Variants in RBM19 observed in about 807,000 individuals in gnomAD.
RBM19 encodes probable RNA-binding protein 19.
RBM19 carries 94 observed loss-of-function variants against 116.8 expected under a neutral mutation model. That is an observed-to-expected ratio of 0.80 (90% CI 0.68 to 0.95). The LOEUF (loss-of-function observed/expected upper bound fraction) is 0.95. RBM19 is among the 40% of genes least tolerant of loss of function. The pLI is 0.00. For missense variants in RBM19, 1,161 were observed against 1,220.7 expected (o/e 0.95, Z 0.73); for synonymous variants, 475 against 494.1 (o/e 0.96, Z 0.51).
intron 23 of RBM19, among the ~76,000 whole-genome samples, chr12:113,826,470 C>G (rs995250800): frequency 6.6e-6 from 1 of 152,200 alleles, no homozygotes; most frequent in Non-Finnish European, 1.5e-5. Context: ...GAAGGACAAA[C>G]AGCAGCTGAG....
In RBM19 at chr12:113,849,958, GGA is replaced by G. The variant is rs1877324472; in HGVS notation, c.2665-5172_2665-5171del. Among the ~76,000 whole-genome samples the G allele has an allele frequency of 2.0e-5, 3 of 152,158 alleles. No individual in the cohort carries two copies. The South Asian group carries it at 6.2e-4, about 32-fold the overall frequency. ...ACTGGAGGAAAGAGGGGAAGAGGGA[GGA>G]GAGAGGTTGGTGCTGCGTACCTCCC... On this transcript the variant is annotated intron_variant, in intron 22 of 23. Transcript: ENST00000261741.
At chr12:113,865,157 C>T (rs527741027) in intron 21 of RBM19, among the ~76,000 whole-genome samples, 9 of 152,286 alleles carry the variant, frequency 5.9e-5, no homozygotes, top group Admixed American at 4.6e-4. Context: ...TGCCCTGCAC[C>T]CCCTCATTTA....
chr12:113,859,390 A>T (rs2135742501), intron 21 of RBM19, among the ~76,000 whole-genome samples: 1 of 152,294 alleles, frequency 6.6e-6, no homozygotes, highest in South Asian at 2.1e-4. Context: ...AGCAAATGGG[A>T]TGGGGCCCTT....
At chr12:113,866,270 G>T (rs1191134647) in intron 21 of RBM19, among the ~76,000 whole-genome samples, 1 of 151,986 alleles carries the variant, frequency 6.6e-6, no homozygotes, top group East Asian at 1.9e-4. Flanking sequence ...TTTCATTTTT[G>T]CCTCCTGGAG....
downstream of RBM19, among the ~76,000 whole-genome samples, chr12:113,821,003 C>T (rs887399007): frequency 6.6e-6 from 1 of 152,204 alleles, no homozygotes; most frequent in Non-Finnish European, 1.5e-5. Flanking sequence ...TGGCAGGGGC[C>T]TGCAGCTGCC....
intron 8 of RBM19, 84 bp from the exon 9 acceptor site, chr12:113,950,238 TAGG>T: frequency 8.8e-7 from 1 of 1,140,388 alleles, no homozygotes; most frequent in East Asian, 2.4e-5. Flanking sequence ...CATACTGTGC[TAGG>T]AGCAGAAAGT....
intron 21 of RBM19, among the ~76,000 whole-genome samples, chr12:113,904,127 G>A (rs764117055): frequency 4.6e-5 from 7 of 152,182 alleles, no homozygotes; most frequent in Non-Finnish European, 7.3e-5. Context: ...TCATCTTCCA[G>A]GTGGCTCATC....
intron 21 of RBM19, among the ~76,000 whole-genome samples, chr12:113,889,386 C>T (rs1211233122): frequency 6.6e-6 from 1 of 152,206 alleles, no homozygotes; most frequent in Admixed American, 6.5e-5. Flanking sequence ...AATGTGGGAG[C>T]TGCACTCTGT....
At chr12:113,955,822 C>T (rs1017640347) in intron 6 of RBM19, among the ~76,000 whole-genome samples, 5 of 152,196 alleles carry the variant, frequency 3.3e-5, no homozygotes, top group African/African-American at 1.2e-4. Flanking sequence ...CCATGCGTTG[C>T]AGAAATGTGA....
At chr12:113,874,877 C>A (rs1003406825) in intron 21 of RBM19, among the ~76,000 whole-genome samples, 2 of 152,184 alleles carry the variant, frequency 1.3e-5, no homozygotes, top group South Asian at 4.1e-4. Context: ...AAAGAGGGAG[C>A]GGGCATGGTC....
At chr12:113,884,766 CG>C in intron 21 of RBM19, among the ~76,000 whole-genome samples, 1 of 151,202 alleles carries the variant, frequency 6.6e-6, no homozygotes, top group South Asian at 2.1e-4. Flanking sequence ...ACTTAAGGGT[CG>C]AAAAAAAAAG....
At chr12:113,960,257 C>T (rs879549613) in intron 2 of RBM19, 79 bp from the exon 3 acceptor site, 68 of 1,591,922 alleles carry the variant, frequency 4.3e-5, no homozygotes, top group Non-Finnish European at 5.2e-5. Flanking sequence ...CCTGGGAGCT[C>T]GGGCATTTCA....
intron 17 of RBM19, among the ~76,000 whole-genome samples, chr12:113,925,819 G>A (rs187148292): frequency 5.3e-5 from 8 of 152,186 alleles, no homozygotes; most frequent in East Asian, 1.9e-4. Context: ...CAATGATCCC[G>A]GATAATGATG....
chr12:113,955,902 C>A (rs532311154), intron 6 of RBM19, among the ~76,000 whole-genome samples: 1 of 152,240 alleles, frequency 6.6e-6, no homozygotes, highest in South Asian at 2.1e-4. Flanking sequence ...GGGAGTGAGC[C>A]CTGCTGGGGG....
chr12:113,836,825 T>TAC lies in RBM19; in HGVS notation c.2785+7841_2785+7842dup, dbSNP rs113470925. The stretch of plus-strand genomic sequence containing the variant: ...CCTGTCCTCCTACTTACTACATACA[T>TAC]ACACACACACACACACACGTGTCCC... On this transcript the variant is annotated intron_variant, in intron 23 of 23. Coordinates refer to ENST00000261741, the MANE Select transcript of RBM19 (RefSeq NM_016196.4). 3.7e-3 allele frequency among the ~76,000 whole-genome samples: 393 copies of TAC among 105,774 alleles called. 25 individuals carry two copies. Among genetic ancestry groups the TAC allele is most frequent in the African/African-American group, 4.5e-3 (116 of 25,684 alleles). The allele number at this position is 105,774 out of a possible 152,430, so 69.4% of individuals were successfully genotyped here.
At chr12:113,844,022 GCCTCTT>G (rs1365986723) in intron 23 of RBM19, among the ~76,000 whole-genome samples, 1 of 152,188 alleles carries the variant, frequency 6.6e-6, no homozygotes, top group East Asian at 1.9e-4. Flanking sequence ...ATGTGTCCCA[GCCTCTT>G]CCACCTGAGC....
intron 21 of RBM19, among the ~76,000 whole-genome samples, chr12:113,911,862 T>C (rs1882450377): frequency 6.6e-6 from 1 of 152,166 alleles, no homozygotes; most frequent in South Asian, 2.1e-4. Flanking sequence ...AATTAGTGTA[T>C]GTTATCACTA....
chr12:113,947,981 G>C (rs1871181721), intron 10 of RBM19, among the ~76,000 whole-genome samples: 1 of 152,172 alleles, frequency 6.6e-6, no homozygotes, highest in Non-Finnish European at 1.5e-5. Context: ...GTGTAAGCCG[G>C]GATGCCAGCC....
At chr12:113,879,223 C>A (rs1467988407) in intron 21 of RBM19, among the ~76,000 whole-genome samples, 2 of 152,160 alleles carry the variant, frequency 1.3e-5, no homozygotes, top group East Asian at 3.9e-4. Flanking sequence ...TTCTGGACCA[C>A]ATTCTGTACA....
Sources: gnomAD v4.1 joint callset for allele counts (sites outside exome capture counted in the v4.1 genomes callset) on GRCh38, gnomAD v4.1.1 for gene constraint, MANE v1.5 for transcripts, NCBI Gene and HGNC (gene_info 2026-07-23, HGNC 2026-07-21) for gene names.